AKR1B15: variants seen among roughly 807,000 people sequenced by gnomAD.
AKR1B15 encodes estradiol 17-beta-dehydrogenase AKR1B15.
A neutral mutation model predicts 38.5 loss-of-function variants in AKR1B15; 49 were observed. The observed-to-expected ratio is 1.27, with a 90% confidence interval of 1.01 to 1.62. AKR1B15 has a LOEUF of 1.62. AKR1B15 is among the 40% of genes most tolerant of loss of function. The pLI, the probability that AKR1B15 is intolerant of heterozygous loss-of-function variation, is 0.00. For synonymous variants in AKR1B15, 137 were observed against 135.5 expected (o/e 1.01, Z -0.08); for missense variants, 411 against 381.6 (o/e 1.08, Z -0.64).
chr7:134,575,714 A>C (rs778795589), intron 7 of AKR1B15, 107 bp from the exon 8 acceptor site: 10 of 1,590,064 alleles, frequency 6.3e-6, no homozygotes, highest in South Asian at 1.2e-5. Context: ...CTCAGTGCGC[A>C]CTTGTTTGGC....
chr7:134,551,915 A>G (rs1212029205), intron 1 of AKR1B15, among the ~76,000 whole-genome samples: 1 of 152,196 alleles, frequency 6.6e-6, no homozygotes, highest in East Asian at 1.9e-4. Context: ...TGACGGGGCC[A>G]GGGCTCTTTG....
intron 11 of AKR1B15, among the ~76,000 whole-genome samples, chr7:134,578,098 A>G (rs1421603288): frequency 1.3e-5 from 2 of 152,112 alleles, no homozygotes; most frequent in Non-Finnish European, 2.9e-5. Context: ...TGTGCCAGGC[A>G]TTTTCTAGGT....
At chr7:134,555,432 A>G (rs1794158862) in intron 1 of AKR1B15, among the ~76,000 whole-genome samples, 1 of 152,134 alleles carries the variant, frequency 6.6e-6, no homozygotes. Context: ...AACAAAGCCC[A>G]GCAAAAAAAA....
chr7:134,570,669 T>A (rs897414964), intron 5 of AKR1B15, among the ~76,000 whole-genome samples: 1 of 152,028 alleles, frequency 6.6e-6, no homozygotes, highest in Non-Finnish European at 1.5e-5. Flanking sequence ...TGCCAGAAAG[T>A]AGTAGCTGCA....
At chr7:134,559,510 G>A (rs927815982) in intron 2 of AKR1B15, among the ~76,000 whole-genome samples, 2 of 152,124 alleles carry the variant, frequency 1.3e-5, no homozygotes, top group Admixed American at 6.5e-5. Context: ...TGGCCCAAGA[G>A]CCCTCTATAT....
At chr7:134,562,895 T>TTTCTTTCC (rs1562947153) in intron 2 of AKR1B15, among the ~76,000 whole-genome samples, 256 of 140,822 alleles carry the variant, frequency 1.8e-3, no homozygotes, top group African/African-American at 7.0e-3. Context: ...TCTTTCCTTC[T>TTTCTTTCC]TTCTTCCTTC....
intron 2 of AKR1B15, among the ~76,000 whole-genome samples, chr7:134,561,440 C>A (rs1487898697): frequency 7.2e-5 from 11 of 152,202 alleles, no homozygotes; most frequent in Non-Finnish European, 1.5e-4. Context: ...CACTTGAGCT[C>A]AAGTGATCCA....
intron 6 of AKR1B15, among the ~76,000 whole-genome samples, chr7:134,574,042 G>A (rs1360796345): frequency 4.8e-5 from 7 of 146,538 alleles, no homozygotes; most frequent in East Asian, 2.0e-4. Context: ...ACACGTCACC[G>A]CATCCAGCTA....
chr7:134,553,336 C>T (rs1012150292), intron 1 of AKR1B15, among the ~76,000 whole-genome samples: 3 of 152,204 alleles, frequency 2.0e-5, no homozygotes, highest in Non-Finnish European at 4.4e-5. Flanking sequence ...CTAACTGAGG[C>T]CCCTGCTCTT....
At chr7:134,565,530 G>A (rs1177229450) in intron 3 of AKR1B15, 3 of 1,613,884 alleles carry the variant, frequency 1.9e-6, no homozygotes, top group East Asian at 4.5e-5. Context: ...CCCATTGTGG[G>A]CCTGGGCACT....
chr7:134,558,091 C>A (rs570991970), intron 2 of AKR1B15, among the ~76,000 whole-genome samples: 1 of 152,306 alleles, frequency 6.6e-6, no homozygotes, highest in South Asian at 2.1e-4. Context: ...GTCTCAATTA[C>A]ATCAAGGGAC....
chr7:134,552,671 T>C (rs1794028974), intron 1 of AKR1B15, among the ~76,000 whole-genome samples: 1 of 152,154 alleles, frequency 6.6e-6, no homozygotes, highest in South Asian at 2.1e-4. Context: ...TCTCTAACCC[T>C]TATACTTTAC....
chr7:134,569,619 C>A lies in AKR1B15; in HGVS notation c.435+90C>A, dbSNP rs1794623616. 2.3e-6 allele frequency: 3 copies of A among 1,307,332 alleles called. No homozygotes were observed. The East Asian group carries it at 7.0e-5, about 31-fold the overall frequency. 81.0% of individuals were successfully genotyped at this position (1,307,332 alleles called of 1,614,324 possible). On this transcript the variant is annotated intron_variant, in intron 5 of 11. Coordinates refer to ENST00000457545, the MANE Select transcript of AKR1B15 (RefSeq NM_001080538.3). ...ACAGAGAGACTGGCTGAAGCCATGG[C>A]AGAAGAACATAAATTGTGAAGATTT... is the stretch of plus-strand genomic sequence containing the variant.
chr7:134,565,409 A>C, intron 3 of AKR1B15: 1 of 1,608,910 alleles, frequency 6.2e-7, no homozygotes, highest in Non-Finnish European at 8.5e-7. Context: ...AACCCTCTGG[A>C]AGGAACCAAC....
chr7:134,555,480 G>A (rs111266597), intron 1 of AKR1B15, among the ~76,000 whole-genome samples: 257 of 152,174 alleles, frequency 1.7e-3, no homozygotes, highest in Middle Eastern at 6.8e-3. Flanking sequence ...TTAAAACTGC[G>A]CCTAAGTTGA....
At chr7:134,574,865 C>T (rs1457520091) in intron 6 of AKR1B15, among the ~76,000 whole-genome samples, 4 of 152,162 alleles carry the variant, frequency 2.6e-5, no homozygotes, top group South Asian at 4.1e-4. Context: ...CCTGCTAGGG[C>T]GTAATTTATA....
At position 134,571,524 on chromosome 7, in the gene AKR1B15, A is replaced by C. The variant is rs1176751004; in HGVS notation, c.436-80A>C. On this transcript the variant is annotated intron_variant, in intron 5 of 11. Coordinates refer to ENST00000457545, the MANE Select transcript of AKR1B15 (RefSeq NM_001080538.3). ...TATGCAGATGTGGTATTTAGCAAGC[A>C]TCAGGATCCTGAAACCTTGTTGAAC... 3 of 1,064,250 alleles carry C rather than the reference A, an allele frequency of 2.8e-6. No individual in the cohort carries two copies. In the African/African-American group the frequency reaches 4.7e-5, roughly 17 times the overall value. 65.9% of individuals were successfully genotyped at this position (1,064,250 alleles called of 1,614,324 possible). A position where few individuals can be genotyped will look rare whatever the true frequency, so the allele number is the denominator to read the frequency against.
At chr7:134,563,697 A>G (rs1475472227) in intron 2 of AKR1B15, among the ~76,000 whole-genome samples, 1 of 152,210 alleles carries the variant, frequency 6.6e-6, no homozygotes, top group East Asian at 1.9e-4. Context: ...TAATGCACCA[A>G]TCAGCACTCT....
At chr7:134,550,677 T>C (rs1793936394) in intron 1 of AKR1B15, among the ~76,000 whole-genome samples, 1 of 152,220 alleles carries the variant, frequency 6.6e-6, no homozygotes, top group Non-Finnish European at 1.5e-5. Context: ...GGTTTAATAT[T>C]TTTGTTCAAA....
Sources: allele counts gnomAD v4.1 joint callset (sites outside exome capture counted in the v4.1 genomes callset), GRCh38; gene constraint gnomAD v4.1.1; transcripts MANE v1.5; gene names NCBI Gene and HGNC (gene_info 2026-07-23, HGNC 2026-07-21).